LTV1: variants seen among roughly 807,000 people sequenced by gnomAD.
LTV1 encodes protein LTV1 homolog.
In LTV1, 39 loss-of-function variants were observed where a neutral mutation model predicts 59.9. The ratio of observed to expected loss-of-function variants is 0.65; its 90% CI spans 0.50 to 0.85. The LOEUF (loss-of-function observed/expected upper bound fraction) is 0.85. Ranked by LOEUF, LTV1 falls within the 40% of genes least tolerant of loss-of-function variation. The pLI, the probability that LTV1 is intolerant of heterozygous loss-of-function variation, is 0.00. For missense variants in LTV1, 493 were observed against 549.1 expected, an observed-to-expected ratio of 0.90 and a Z score of 1.02; for synonymous variants, 171 against 189.5, an observed-to-expected ratio of 0.90 and a Z score of 0.80.
rs1776885366 is a variant in LTV1 at position 143,846,116 on chromosome 6, C to CT, written c.202dup (p.Tyr68LeufsTer41). 6.2e-7 allele frequency: 1 copy of CT among 1,614,096 alleles called. No homozygotes were observed. Among genetic ancestry groups the CT allele is most frequent in the African/African-American group, 1.3e-5 (1 of 74,934 alleles). ...GAGTGTTCTTTGATGACGACTATGA[C>CT]TACCTGCAGCACCTGAAGGAACCAT... On this transcript the variant is annotated frameshift_variant, in exon 3 of 11. Transcript: ENST00000367576. LOFTEE classifies it high-confidence loss of function.
In LTV1 at chr6:143,843,405, C is replaced by G. The variant is rs1776831785; in HGVS notation, c.-73C>G. On this transcript the variant is annotated 5_prime_UTR_variant, in exon 1 of 11. Transcript: ENST00000367576. ...CCTACAGAAGCGGCCTTCAGCTGGA[C>G]CTTGGTCTCCCCGCCGGACTTCGAG... is the stretch of plus-strand genomic sequence containing the variant. 1.2e-6 allele frequency: 2 copies of G among 1,601,232 alleles called. No individual in the cohort carries two copies. Among genetic ancestry groups the G allele is most frequent in the African/African-American group, 1.3e-5 (1 of 74,772 alleles).
chr6:143,860,661 C>T (rs1454610703), intron 7 of LTV1, 108 bp downstream of exon 7: 13 of 817,030 alleles, frequency 1.6e-5, no homozygotes, highest in Non-Finnish European at 2.1e-5. Context: ...TTAACCTAGT[C>T]AAAATACATA....
At chr6:143,844,818 T>G (rs777647802) in intron 2 of LTV1, among the ~76,000 whole-genome samples, 3 of 152,184 alleles carry the variant, frequency 2.0e-5, no homozygotes, top group Non-Finnish European at 4.4e-5. Flanking sequence ...TTAATAGTTT[T>G]TAATAAATTG....
chr6:143,857,519 G>A lies in LTV1; in HGVS notation c.539+75G>A, dbSNP rs772121983. The A allele has an allele frequency of 6.5e-5, 88 of 1,358,282 alleles. No individual in the cohort carries two copies. The highest frequency in any genetic ancestry group is 8.7e-5 in the Non-Finnish European group (84 of 963,454). 84.1% of individuals were successfully genotyped at this position (1,358,282 alleles called of 1,614,324 possible). A position where few individuals can be genotyped will look rare whatever the true frequency, so the allele number is the denominator to read the frequency against. On this transcript the variant is annotated intron_variant, in intron 5 of 10. Coordinates refer to ENST00000367576, the MANE Select transcript of LTV1 (RefSeq NM_032860.5). This position sits in a 1 kb window ranked among gnomAD's most constrained non-coding sequence, Gnocchi z 5.2. ...TTCAGTGGGATGGTAACCATAGAAC[G>A]TTACAGTTGGAAGAGACCTTCAAGA...
In LTV1 at chr6:143,857,827, C is replaced by G. The variant is rs748074529; in HGVS notation, c.615C>G (p.Asp205Glu). 6.2e-7 allele frequency: 1 copy of G among 1,614,000 alleles called. No individual in the cohort carries two copies. Among genetic ancestry groups the G allele is most frequent in the Non-Finnish European group, 8.5e-7 (1 of 1,179,908 alleles). The change falls in exon 6 of 11, where the codon GAC becomes GAG. Residue 205 changes from aspartate to glutamate, a missense_variant. By Grantham distance (45) the Asp-to-Glu change is conservative. Transcript: ENST00000367576. This position sits in a 1 kb window ranked among gnomAD's most constrained non-coding sequence, Gnocchi z 5.2. ...AGGGAGATAGCAATGATGACTATGA[C>G]TCTGCAGGCCTATTGTCAGATGAAG... ...DEKGDSNDDY[D>E]SAGLLSDEDC...
At chr6:143,854,210 C>T (rs1777037117) in intron 4 of LTV1, among the ~76,000 whole-genome samples, 1 of 152,164 alleles carries the variant, frequency 6.6e-6, no homozygotes, top group Non-Finnish European at 1.5e-5. Context: ...TTATCCATTT[C>T]TTCTAGATTT....
intron 4 of LTV1, among the ~76,000 whole-genome samples, chr6:143,851,301 A>G (rs538948738): frequency 3.0e-4 from 46 of 152,240 alleles, no homozygotes; most frequent in Non-Finnish European, 5.7e-4. Flanking sequence ...AGTCCTAAGC[A>G]GTGTGCCCAG....
At position 143,857,335 on chromosome 6, in the gene LTV1, G is replaced by C. The variant is rs1317571567; in HGVS notation, c.430G>C (p.Ala144Pro). ...ACTGGATTTTGATCCTGACATTGTT[G>C]CAGCTCTTGATGATGATTTTGACTT... is the stretch of plus-strand genomic sequence containing the variant. ...PRLDFDPDIV[A>P]ALDDDFDFDD... The change falls in exon 5 of 11, where the codon GCA becomes CCA. Residue 144 changes from alanine (A) to proline (P), a missense_variant. Physicochemically the swap from Ala to Pro is conservative, Grantham distance 27. Coordinates refer to ENST00000367576, the MANE Select transcript of LTV1 (RefSeq NM_032860.5). This position sits in a 1 kb window ranked among gnomAD's most constrained non-coding sequence, Gnocchi z 5.2. The C allele has an allele frequency of 6.2e-7, 1 of 1,613,724 alleles. No individual in the cohort carries two copies. Among genetic ancestry groups the C allele is most frequent in the African/African-American group, 1.3e-5 (1 of 74,988 alleles).
At chr6:143,850,577 A>G (rs1776965741) in intron 4 of LTV1, among the ~76,000 whole-genome samples, 1 of 152,208 alleles carries the variant, frequency 6.6e-6, no homozygotes, top group South Asian at 2.1e-4. Flanking sequence ...TTCTCCCCAG[A>G]GCATACAGGT....
rs1440052678 is a variant in LTV1 at position 143,846,214 on chromosome 6, T to C, written c.299T>C (p.Leu100Pro). 6.2e-7 allele frequency: 1 copy of C among 1,609,274 alleles called. No homozygotes were observed. The highest frequency in any genetic ancestry group is 8.5e-7 in the Non-Finnish European group (1 of 1,178,464). The change falls in exon 3 of 11, where the codon CTA (leucine) becomes CCA (proline). Residue 100 changes from leucine (L) to proline (P), a missense_variant. Physicochemically the swap from Leu to Pro is moderately conservative, Grantham distance 98. Coordinates refer to ENST00000367576, the MANE Select transcript of LTV1 (RefSeq NM_032860.5). Reference sequence around the variant, plus strand: ...AGGAGAGAGGAGAAAGAAGAAACGCTAGTAATTCCAGTAAGGCTTTTCAGC... The same window carrying C: ...AGGAGAGAGGAGAAAGAAGAAACGCCAGTAATTCCAGTAAGGCTTTTCAGC... The part of the protein sequence containing the change: ...HNRREEKEET[L>P]VIPSTGIKLP...
intron 4 of LTV1, among the ~76,000 whole-genome samples, chr6:143,854,643 G>A (rs1777043788): frequency 6.6e-6 from 1 of 152,084 alleles, no homozygotes; most frequent in Admixed American, 6.6e-5. Context: ...CTGGTATGTT[G>A]TGTCTTTTTT....
rs543892729 is a variant in LTV1, at chr6:143,863,221, C to T, written c.1252C>T (p.Arg418Cys). 16 of 1,613,872 alleles carry T rather than the reference C, an allele frequency of 9.9e-6. No homozygotes were observed. The highest frequency in any genetic ancestry group is 3.3e-5 in the South Asian group (3 of 91,076). The change falls in exon 10 of 11, where the codon CGT (arginine) becomes TGT (cysteine). Residue 418 changes from arginine (R) to cysteine (C), a missense_variant. Arg to Cys is a radical substitution (Grantham distance 180, BLOSUM62 -3). Transcript: ENST00000367576. The surrounding 1 kb of genome is among the most constrained non-coding windows in gnomAD (Gnocchi z 4.5). ...TCTTCCTAAAGTATCAACTCAGCCA[C>T]GTTCTAAAAATGAAAGCAAAGAAGA... ...SDLPKVSTQP[R>C]SKNESKEDKR...
intron 7 of LTV1, among the ~76,000 whole-genome samples, chr6:143,861,612 G>A (rs1777166076): frequency 6.6e-6 from 1 of 152,030 alleles, no homozygotes; most frequent in Admixed American, 6.6e-5. Context: ...CTCTCCAGCT[G>A]GATTAGCGGA....
rs2277079 is a variant in LTV1, at chr6:143,846,133, A to G, written c.218A>G (p.Lys73Arg). Reference sequence around the variant, plus strand: ...GACTATGACTACCTGCAGCACCTGAAGGAACCATCTGGGCCTTCAGAGCTT... The same window carrying G: ...GACTATGACTACCTGCAGCACCTGAGGGAACCATCTGGGCCTTCAGAGCTT... ...DDDYDYLQHL[K>R]EPSGPSELIP... The change falls in exon 3 of 11, where the codon AAG (lysine) becomes AGG (arginine). Residue 73 changes from lysine (K) to arginine (R), a missense_variant. Transcript: ENST00000367576. 13 of 1,614,134 alleles carry G rather than the reference A, an allele frequency of 8.1e-6. No individual in the cohort carries two copies. The East Asian group carries it at 2.7e-4, about 33-fold the overall frequency.
rs571099746 is a variant in LTV1, at chr6:143,848,532, A to G, written c.310-1599A>G. ...TTCAGAGAGCTTTCTCAGTGAGCCA[A>G]TGAGGATGCACATTCCAGCTTTGTG... On this transcript the variant is annotated intron_variant, in intron 3 of 10. Transcript: ENST00000367576. Among the ~76,000 whole-genome samples, 245 of 152,332 alleles carry G rather than the reference A, an allele frequency of 1.6e-3. 1 individual carries two copies. The highest frequency in any genetic ancestry group is 5.5e-3 in the African/African-American group (229 of 41,580).
rs140246640 is a variant in LTV1, at chr6:143,848,615, T to G, written c.310-1516T>G. Among the ~76,000 whole-genome samples the G allele has an allele frequency of 4.3e-4, 66 of 152,200 alleles. 1 individual carries two copies. The highest frequency in any genetic ancestry group is 1.5e-3 in the African/African-American group (62 of 41,520). On this transcript the variant is annotated intron_variant, in intron 3 of 10. Transcript: ENST00000367576. ...GAGGTGCACAGAGATAAATAACACA[T>G]GGCGGTTGTCCTCACGTTATGAACT...
At chr6:143,852,956 G>A (rs1403204243) in intron 4 of LTV1, among the ~76,000 whole-genome samples, 1 of 152,186 alleles carries the variant, frequency 6.6e-6, no homozygotes, top group African/African-American at 2.4e-5. Context: ...GTACCATGCT[G>A]TTTTGATTAC....
chr6:143,861,069 G>C (rs955051572), intron 7 of LTV1, among the ~76,000 whole-genome samples: 9 of 151,774 alleles, frequency 5.9e-5, no homozygotes, highest in Non-Finnish European at 1.2e-4. Context: ...GCTAATTTTT[G>C]TATTTTTAGT....
At chr6:143,853,484 G>T (rs1355995200) in intron 4 of LTV1, among the ~76,000 whole-genome samples, 2 of 152,102 alleles carry the variant, frequency 1.3e-5, no homozygotes, top group African/African-American at 2.4e-5. Flanking sequence ...TGATTGCCCT[G>T]GCCAGAACTT....
Sources: allele counts gnomAD v4.1 joint callset (sites outside exome capture counted in the v4.1 genomes callset), GRCh38; gene constraint gnomAD v4.1.1; non-coding constraint Gnocchi (gnomAD v3.1); transcripts MANE v1.5; gene names NCBI Gene and HGNC (gene_info 2026-07-23, HGNC 2026-07-21).